Variants in PHACTR3 observed in about 807,000 individuals in gnomAD.
PHACTR3 encodes protein phosphatase 1, regulatory subunit 123.
A neutral mutation model predicts 66.8 loss-of-function variants in PHACTR3; 16 were observed. The observed-to-expected ratio is 0.24, with a 90% CI of 0.16 to 0.36. The LOEUF is 0.36. Among genes scored for constraint, PHACTR3 ranks in the 10% least tolerant of loss-of-function variants. PHACTR3 has a pLI of 1.00. For missense variants in PHACTR3, 647 were observed against 719.9 expected (o/e 0.90, Z 1.16); for synonymous variants, 323 against 292.1 (o/e 1.11, Z -1.08).
intron 4 of PHACTR3, among the ~76,000 whole-genome samples, chr20:59,756,316 C>T (rs1336085794): frequency 2.0e-5 from 3 of 152,170 alleles, no homozygotes; most frequent in African/African-American, 4.8e-5. Flanking sequence ...AAGGTGAACG[C>T]GTCTCTCCGT....
intron 1 of PHACTR3, among the ~76,000 whole-genome samples, chr20:59,616,011 T>A (rs571960281): frequency 1.5e-4 from 23 of 152,254 alleles, no homozygotes; most frequent in Admixed American, 3.9e-4. Context: ...TGACATTGGA[T>A]GCCAACAGAC....
Position 59,644,605 on chromosome 20 carries a change from C to T in PHACTR3, c.118+39473C>T, listed in dbSNP as rs535925233. ...TTGAATGGGCAAATGTATCCTTTGG[C>T]GGTACGAGACAGAAGCTGGTGGTCC... On this transcript the variant is annotated intron_variant, in intron 1 of 12. Coordinates refer to ENST00000371015, the MANE Select transcript of PHACTR3 (RefSeq NM_080672.5). 1.7e-3 allele frequency among the ~76,000 whole-genome samples: 255 copies of T among 152,280 alleles called. 9 individuals carry two copies. Among genetic ancestry groups the T allele is most frequent in the Middle Eastern group, 6.8e-3 (2 of 294 alleles).
chr20:59,733,709 T>C (rs1242113130), intron 1 of PHACTR3, among the ~76,000 whole-genome samples: 1 of 152,146 alleles, frequency 6.6e-6, no homozygotes, highest in Admixed American at 6.5e-5. Context: ...TGCCCTGGGG[T>C]AATTATTTCA....
At chr20:59,695,654 T>C (rs369992800) in intron 1 of PHACTR3, among the ~76,000 whole-genome samples, 33 of 152,304 alleles carry the variant, frequency 2.2e-4, no homozygotes, top group South Asian at 8.3e-4. Flanking sequence ...GGTCAGGCAT[T>C]TTTCTCTTCA....
intron 1 of PHACTR3, among the ~76,000 whole-genome samples, chr20:59,687,453 G>T (rs1369793224): frequency 6.6e-6 from 1 of 152,194 alleles, no homozygotes; most frequent in Non-Finnish European, 1.5e-5. Context: ...GCTAGGAAAT[G>T]GAAGAGTCCA....
At chr20:59,668,870 TTTTTATTTTA>T (rs76833383) in intron 1 of PHACTR3, among the ~76,000 whole-genome samples, 5,578 of 138,638 alleles carry the variant, frequency 0.04, 299 homozygotes, top group East Asian at 0.3. Flanking sequence ...ACAGCTAATT[TTTTTATTTTA>T]TTTTATTTTA....
intron 1 of PHACTR3, among the ~76,000 whole-genome samples, chr20:59,689,284 C>T (rs2037013849): frequency 6.6e-6 from 1 of 152,222 alleles, no homozygotes; most frequent in South Asian, 2.1e-4. Flanking sequence ...CAGGGCAGAA[C>T]TCAGTTCCAG....
At chr20:59,684,106 TG>T (rs927496252) in intron 1 of PHACTR3, among the ~76,000 whole-genome samples, 15 of 152,216 alleles carry the variant, frequency 9.9e-5, no homozygotes, top group African/African-American at 3.4e-4. Flanking sequence ...TGCAGCCAGC[TG>T]GGAAGGATAA....
intron 4 of PHACTR3, among the ~76,000 whole-genome samples, chr20:59,764,882 C>G (rs1217313991): frequency 6.6e-6 from 1 of 152,190 alleles, no homozygotes; most frequent in Non-Finnish European, 1.5e-5. Context: ...TAGAAGAAAA[C>G]TAGGCCTGGG....
At position 59,774,487 on chromosome 20, in the gene PHACTR3, T is replaced by G; in HGVS notation, c.1171T>G (p.Ser391Ala). 2.5e-6 allele frequency: 4 copies of G among 1,613,380 alleles called. No homozygotes were observed. The highest frequency in any genetic ancestry group is 3.4e-6 in the Non-Finnish European group (4 of 1,179,640). The change falls in exon 7 of 13, where the codon TCT becomes GCT. Residue 391 changes from serine (S) to alanine (A), a missense_variant. This residue lies in a region of PHACTR3 where 577 missense variants were observed against 571.1 expected (regional missense o/e 1.01). Transcript: ENST00000371015. ...GGAGGCGCTGAACGACTCCATTATT[T>G]CTGGTGAGGAAAGGATGGCCCATTA... is the stretch of plus-strand genomic sequence containing the variant. ...DEEALNDSII[S>A]GTLPRKCKKE... is the part of the protein sequence containing the mutation.
At position 59,640,016 on chromosome 20, in the gene PHACTR3, C is replaced by T. The variant is rs537519309; in HGVS notation, c.118+34884C>T. ...GCTCTATGGAATAGCAAAAAACAGGCACACTTCATCCTGTGCATGCTGGGG... is the reference window on the plus strand; with the variant it reads ...GCTCTATGGAATAGCAAAAAACAGGTACACTTCATCCTGTGCATGCTGGGG... On this transcript the variant is annotated intron_variant, in intron 1 of 12. Coordinates refer to ENST00000371015, the MANE Select transcript of PHACTR3 (RefSeq NM_080672.5). 2.6e-5 allele frequency among the ~76,000 whole-genome samples: 4 copies of T among 152,308 alleles called. No individual in the cohort carries two copies. The East Asian group carries it at 5.8e-4, about 22-fold the overall frequency.
intron 3 of PHACTR3, among the ~76,000 whole-genome samples, chr20:59,749,006 T>C (rs2039477746): frequency 6.6e-6 from 1 of 152,208 alleles, no homozygotes; most frequent in Admixed American, 6.5e-5. Flanking sequence ...TTGATGATGC[T>C]ATTTTTAGGG....
intron 1 of PHACTR3, among the ~76,000 whole-genome samples, chr20:59,589,306 G>T (rs1057223929): frequency 6.6e-6 from 1 of 152,174 alleles, no homozygotes; most frequent in African/African-American, 2.4e-5. Context: ...CCCCAAATGC[G>T]AAATCCCGAT....
intron 1 of PHACTR3, among the ~76,000 whole-genome samples, chr20:59,719,676 T>G (rs999943743): frequency 2.0e-5 from 3 of 152,212 alleles, no homozygotes; most frequent in African/African-American, 7.2e-5. Flanking sequence ...CAGTTCCTTC[T>G]GGAATCTGCA....
chr20:59,660,270 A>C (rs2035764137), intron 1 of PHACTR3, among the ~76,000 whole-genome samples: 1 of 152,210 alleles, frequency 6.6e-6, no homozygotes, highest in Non-Finnish European at 1.5e-5. Flanking sequence ...TGAGGTGGGC[A>C]GATCACGAGG....
At chr20:59,645,434 G>A (rs1600996884) in intron 1 of PHACTR3, among the ~76,000 whole-genome samples, 2 of 152,002 alleles carry the variant, frequency 1.3e-5, no homozygotes, top group African/African-American at 2.4e-5. Context: ...GCCTGAAACA[G>A]CCTCCCTCAG....
intron 1 of PHACTR3, among the ~76,000 whole-genome samples, chr20:59,688,579 T>G (rs1271265165): frequency 6.6e-6 from 1 of 152,166 alleles, no homozygotes; most frequent in Non-Finnish European, 1.5e-5. Context: ...CAACCTCCAA[T>G]CCTTGCACAG....
chr20:59,668,466 C>T (rs575380967), intron 1 of PHACTR3, among the ~76,000 whole-genome samples: 62 of 152,274 alleles, frequency 4.1e-4, no homozygotes, highest in African/African-American at 1.4e-3. Flanking sequence ...GGTCATTGGC[C>T]TTTCTCACAG....
intron 8 of PHACTR3, among the ~76,000 whole-genome samples, chr20:59,824,660 GTTCACACACATCAGAAATCT>G (rs948998182): frequency 3.3e-5 from 5 of 152,208 alleles, no homozygotes; most frequent in African/African-American, 1.2e-4. Flanking sequence ...GTGGAAGGAT[GTTCACACACATCAGAAATCT>G]TGGAACTGGA....
Sources: allele counts gnomAD v4.1 joint callset (sites outside exome capture counted in the v4.1 genomes callset), GRCh38; gene constraint gnomAD v4.1.1; regional missense constraint gnomAD v4.1.1; transcripts MANE v1.5; gene names NCBI Gene and HGNC (gene_info 2026-07-23, HGNC 2026-07-21).